The following VCAN variants were observed in gnomAD, a reference collection of about 807,000 sequenced individuals.
VCAN encodes the protein versican core protein.
A neutral mutation model predicts 245.5 loss-of-function variants in VCAN; 44 were observed. The observed-to-expected ratio is 0.18, with a 90% CI of 0.14 to 0.23. The LOEUF (loss-of-function observed/expected upper bound fraction) is 0.23, where lower values mean the gene tolerates loss of function less well. Among genes scored for constraint, VCAN ranks in the 10% least tolerant of loss-of-function variants. The pLI is 1.00. For missense variants in VCAN, 3,793 were observed against 4,057.9 expected (o/e 0.93, Z 1.77); for synonymous variants, 1,413 against 1,437.0 (o/e 0.98, Z 0.38).
intron 13 of VCAN, 113 bp downstream of exon 13, chr5:83,572,673 G>T: frequency 7.5e-7 from 1 of 1,337,568 alleles, no homozygotes; most frequent in Non-Finnish European, 1.1e-6. Context: ...ATATGTCCAT[G>T]TATGTCATCT....
At chr5:83,517,001 C>A (rs536846949) in intron 6 of VCAN, among the ~76,000 whole-genome samples, 8 of 152,096 alleles carry the variant, frequency 5.3e-5, no homozygotes, top group Non-Finnish European at 1.0e-4. Flanking sequence ...TATAAGCAGA[C>A]CTTTTCTTTT....
At chr5:83,567,072 CT>C (rs1471814139) in intron 12 of VCAN, among the ~76,000 whole-genome samples, 2 of 152,078 alleles carry the variant, frequency 1.3e-5, no homozygotes, top group Non-Finnish European at 2.9e-5. Flanking sequence ...AAAACAATAA[CT>C]GAAAAGTGAC....
intron 2 of VCAN, among the ~76,000 whole-genome samples, chr5:83,484,094 C>T (rs978487053): frequency 6.6e-6 from 1 of 152,088 alleles, no homozygotes; most frequent in African/African-American, 2.4e-5. Context: ...CCAATGAGGG[C>T]TCTATAATTC....
intron 12 of VCAN, among the ~76,000 whole-genome samples, chr5:83,567,100 G>A (rs160280): frequency 0.23 from 34,363 of 151,946 alleles, 4,245 homozygotes; most frequent in Admixed American, 0.33. Flanking sequence ...CAGCTTAATC[G>A]AAATGGTAGC....
rs1747018566 is a variant in VCAN, at chr5:83,541,982, G to T, written c.8979G>T (p.Trp2993Cys). The T allele has an allele frequency of 6.2e-7, 1 of 1,613,524 alleles. No homozygotes were observed. Among genetic ancestry groups the T allele is most frequent in the Non-Finnish European group, 8.5e-7 (1 of 1,179,644 alleles). ...TYGVEAGVVP[W>C]LSPQTSERPT... ...GGGTCGAGGCAGGTGTGGTGCCTTG[G>T]CTAAGTCCACAGACTTCTGAGAGGC... The change falls in exon 8 of 15, where the codon TGG becomes TGT. Residue 2993 changes from tryptophan to cysteine, a missense_variant. This residue lies in a region of VCAN where 3,182 missense variants were observed against 3,250.3 expected (regional missense o/e 0.98). Transcript: ENST00000265077.
chr5:83,548,675 G>A (rs962648376), intron 10 of VCAN, among the ~76,000 whole-genome samples: 21 of 152,162 alleles, frequency 1.4e-4, no homozygotes, highest in African/African-American at 4.8e-4. Flanking sequence ...ACCTGAGGGT[G>A]TATTTTAGGT....
chr5:83,568,216 A>G (rs1011576986), intron 12 of VCAN, among the ~76,000 whole-genome samples: 1 of 152,220 alleles, frequency 6.6e-6, no homozygotes, highest in African/African-American at 2.4e-5. Flanking sequence ...AGTTGTTAAG[A>G]AAACTGGAGT....
chr5:83,571,606 C>A (rs1748292938), intron 12 of VCAN, among the ~76,000 whole-genome samples: 1 of 151,884 alleles, frequency 6.6e-6, no homozygotes, highest in African/African-American at 2.4e-5. Context: ...ATGTCAAACC[C>A]ATAAAGTCCT....
chr5:83,476,962 A>G (rs1191414307), intron 1 of VCAN, among the ~76,000 whole-genome samples: 1 of 152,192 alleles, frequency 6.6e-6, no homozygotes, highest in Non-Finnish European at 1.5e-5. Flanking sequence ...ATTTTACAAT[A>G]AACATATTTG....
intron 13 of VCAN, among the ~76,000 whole-genome samples, chr5:83,579,468 T>G (rs948928602): frequency 6.6e-6 from 1 of 152,170 alleles, no homozygotes; most frequent in African/African-American, 2.4e-5. Context: ...TTTCACCATG[T>G]TGGCCAGGAT....
chr5:83,518,526 G>A (rs1217988302), intron 6 of VCAN, among the ~76,000 whole-genome samples: 3 of 152,102 alleles, frequency 2.0e-5, no homozygotes, highest in Non-Finnish European at 2.9e-5. Context: ...CTACATTTGT[G>A]TTTCAGGCTA....
Position 83,521,578 on chromosome 5 carries a change from A to G in VCAN, c.3272A>G (p.Glu1091Gly). 6.2e-7 allele frequency: 1 copy of G among 1,614,088 alleles called. No individual in the cohort carries two copies. Residue 1091 changes from glutamate (E) to glycine (G), a missense_variant, in exon 7 of 15, where the codon GAA (glutamate) becomes GGA (glycine). Physicochemically the swap from Glu to Gly is moderately conservative, Grantham distance 98. Around this residue, in one of 5 missense-constraint regions of VCAN, gnomAD observed 3,182 missense variants for 3,250.3 expected, o/e 0.98. Transcript: ENST00000265077. The stretch of plus-strand genomic sequence containing the variant: ...GGTTCTGAGAGGGTCCCAGTTTTAG[A>G]AACAACTCCAGTTGGAAAAATTGAT... The part of the protein sequence containing the change: ...LTGSERVPVL[E>G]TTPVGKIDHS...
In VCAN at chr5:83,490,469, G is replaced by C. The variant is rs147594127; in HGVS notation, c.442G>C (p.Asp148His). The C allele has an allele frequency of 6.8e-6, 11 of 1,614,006 alleles. No individual in the cohort carries two copies. Among genetic ancestry groups the C allele is most frequent in the Non-Finnish European group, 9.3e-6 (11 of 1,180,020 alleles). ...DTQDTVSLTV[D>H]GVVFHYRAAT... ...ACAAGACACGGTGTCACTGACTGTG[G>C]ATGGTAAGGCTTTTATTATCTGCAA... Residue 148 changes from aspartate to histidine, a missense_variant, in exon 3 of 15, where the codon GAT (aspartate) becomes CAT (histidine). Physicochemically the swap from Asp to His is moderately conservative, Grantham distance 81 (BLOSUM62 -1). Coordinates refer to ENST00000265077, the MANE Select transcript of VCAN (RefSeq NM_004385.5).
chr5:83,507,022 A>G (rs1017278037), intron 5 of VCAN, among the ~76,000 whole-genome samples: 2 of 152,188 alleles, frequency 1.3e-5, no homozygotes, highest in African/African-American at 4.8e-5. Flanking sequence ...GGGAGATACA[A>G]TTCAAGCTGA....
chr5:83,567,933 AAAAT>A (rs1284089734), intron 12 of VCAN, among the ~76,000 whole-genome samples: 1 of 152,194 alleles, frequency 6.6e-6, no homozygotes, highest in Non-Finnish European at 1.5e-5. Context: ...TTCAAAGTGA[AAAAT>A]AAAGAAATCC....
intron 7 of VCAN, among the ~76,000 whole-genome samples, chr5:83,529,513 C>T (rs1313209384): frequency 4.0e-5 from 6 of 151,674 alleles, no homozygotes; most frequent in South Asian, 2.1e-4. Flanking sequence ...TGAATGTATG[C>T]GTAGGATTCC....
In VCAN at chr5:83,521,590, T is replaced by A; in HGVS notation, c.3284T>A (p.Val1095Asp). The A allele has an allele frequency of 1.9e-6, 3 of 1,614,038 alleles. No homozygotes were observed. The highest frequency in any genetic ancestry group is 1.7e-6 in the Non-Finnish European group (2 of 1,180,014). Residue 1095 changes from valine to aspartate, a missense_variant, in exon 7 of 15, where the codon GTT becomes GAT. Coordinates refer to ENST00000265077, the MANE Select transcript of VCAN (RefSeq NM_004385.5). ...ERVPVLETTP[V>D]GKIDHSVSYP... is the part of the protein sequence containing the mutation. ...GTCCCAGTTTTAGAAACAACTCCAGTTGGAAAAATTGATCACAGTGTGTCT... is the reference window on the plus strand; with the variant it reads ...GTCCCAGTTTTAGAAACAACTCCAGATGGAAAAATTGATCACAGTGTGTCT...
intron 7 of VCAN, among the ~76,000 whole-genome samples, chr5:83,525,279 CCTGT>C (rs1482734268): frequency 6.6e-6 from 1 of 151,932 alleles, no homozygotes; most frequent in African/African-American, 2.4e-5. Flanking sequence ...AAACTTTACT[CCTGT>C]CTATTTCAGG....
At chr5:83,543,152 T>C (rs1414654355) in intron 8 of VCAN, among the ~76,000 whole-genome samples, 1 of 152,186 alleles carries the variant, frequency 6.6e-6, no homozygotes, top group East Asian at 1.9e-4. Flanking sequence ...AAACAATTGA[T>C]ATTGAATAAT....
Sources: allele counts gnomAD v4.1 joint callset (sites outside exome capture counted in the v4.1 genomes callset), GRCh38; gene constraint gnomAD v4.1.1; regional missense constraint gnomAD v4.1.1; transcripts MANE v1.5; gene names NCBI Gene and HGNC (gene_info 2026-07-23, HGNC 2026-07-21).